The following SMTNL1 variants were observed in gnomAD, a reference collection of about 807,000 sequenced individuals.
The protein encoded by SMTNL1 is smoothelin-like protein 1.
A neutral mutation model predicts 46.6 loss-of-function variants in SMTNL1; 41 were observed. That is an observed-to-expected ratio of 0.88 (90% confidence interval 0.69 to 1.14). SMTNL1 has a LOEUF of 1.14. Among genes scored for constraint, SMTNL1 ranks in the 50% most tolerant of loss-of-function variants. The pLI, the probability that SMTNL1 is intolerant of heterozygous loss-of-function variation, is 0.00. For synonymous variants in SMTNL1, 234 were observed against 234.2 expected, an observed-to-expected ratio of 1.00 and a Z score of 0.01; for missense variants, 591 against 626.1, an observed-to-expected ratio of 0.94 and a Z score of 0.60.
rs1046401866 is a variant in SMTNL1, at chr11:57,543,068, A to G, written c.426A>G (p.Lys142=). The G allele has an allele frequency of 6.2e-7, 1 of 1,609,604 alleles. No individual in the cohort carries two copies. The highest frequency in any genetic ancestry group is 8.5e-7 in the Non-Finnish European group (1 of 1,177,842). ...CTGAGAAGCAGAAGGCTGAGGAGAA[A>G]GAGGCCAAACCTGAATCTGGGCAGA... ...LASEKQKAEE[K]EAKPESGQKA... The change falls in exon 2 of 8, where the codon AAA becomes AAG. Residue 142 remains lysine, a synonymous_variant. Coordinates refer to ENST00000527972, the MANE Select transcript of SMTNL1 (RefSeq NM_001105565.3).
chr11:57,544,489 A>C (rs1944907046), intron 4 of SMTNL1, among the ~76,000 whole-genome samples: 1 of 152,188 alleles, frequency 6.6e-6, no homozygotes, highest in South Asian at 2.1e-4. Context: ...CATCCCTGAC[A>C]CTTCACAGGA....
chr11:57,542,021 A>G (rs1208768313), intron 1 of SMTNL1, among the ~76,000 whole-genome samples: 1 of 151,854 alleles, frequency 6.6e-6, no homozygotes, highest in Non-Finnish European at 1.5e-5. Flanking sequence ...CAATCCCAGA[A>G]CCTTGGGAGG....
At chr11:57,548,505 A>G (rs1282133529) in intron 7 of SMTNL1, among the ~76,000 whole-genome samples, 4 of 152,058 alleles carry the variant, frequency 2.6e-5, no homozygotes, top group African/African-American at 9.7e-5. Context: ...CCTTGTCTCT[A>G]CTAAAAATAC....
Position 57,543,034 on chromosome 11 carries a change from C to T in SMTNL1, c.392C>T (p.Thr131Met), listed in dbSNP as rs1189340279. 1.8e-5 allele frequency: 29 copies of T among 1,603,874 alleles called. No individual in the cohort carries two copies. Among genetic ancestry groups the T allele is most frequent in the Non-Finnish European group, 2.2e-5 (26 of 1,175,220 alleles). Reference sequence around the variant, plus strand: ...AAAGAGGCTGAGGAAAAGGAGAGCACGCTGGCCTCTGAGAAGCAGAAGGCT... The same window carrying T: ...AAAGAGGCTGAGGAAAAGGAGAGCATGCTGGCCTCTGAGAAGCAGAAGGCT... ...EPKEAEEKES[T>M]LASEKQKAEE... The change falls in exon 2 of 8, where the codon ACG becomes ATG. Residue 131 changes from threonine to methionine, a missense_variant. Thr to Met is a moderately conservative substitution (Grantham distance 81, BLOSUM62 -1). Transcript: ENST00000527972.
At chr11:57,540,910 C>T (rs1237330546) in intron 1 of SMTNL1, among the ~76,000 whole-genome samples, 1 of 151,978 alleles carries the variant, frequency 6.6e-6, no homozygotes, top group African/African-American at 2.4e-5. Context: ...GGGGTTTCAC[C>T]ATATTGGCCA....
intron 1 of SMTNL1, among the ~76,000 whole-genome samples, chr11:57,541,970 G>A (rs1944880655): frequency 6.6e-6 from 1 of 151,894 alleles, no homozygotes; most frequent in Admixed American, 6.6e-5. Flanking sequence ...GGTGTTCTAG[G>A]ATGCCAGTAT....
chr11:57,546,670 G>A lies in SMTNL1; in HGVS notation c.1340+18G>A. ...ACAGCAGAGTAAGCCACAGCCATGG[G>A]CTGGCAGAGCTGGATGGGAGCCTAG... On this transcript the variant is annotated intron_variant, in intron 7 of 7. Transcript: ENST00000527972. 1 of 1,609,006 alleles carries A rather than the reference G, an allele frequency of 6.2e-7. No homozygotes were observed. Among genetic ancestry groups the A allele is most frequent in the Non-Finnish European group, 8.5e-7 (1 of 1,177,688 alleles).
chr11:57,548,440 C>A lies in SMTNL1; in HGVS notation c.1341-1528C>A, dbSNP rs574053418. On this transcript the variant is annotated intron_variant, in intron 7 of 7. Coordinates refer to ENST00000527972, the MANE Select transcript of SMTNL1 (RefSeq NM_001105565.3). ...ATCCTAGCACTTTAGGAGACCGAGG[C>A]GTGGGGATCACTTGAGGTCAGGAGT... is the stretch of plus-strand genomic sequence containing the variant. Among the ~76,000 whole-genome samples the A allele has an allele frequency of 2.1e-4, 32 of 152,206 alleles. No homozygotes were observed. The South Asian group carries it at 6.0e-3, about 29-fold the overall frequency.
intron 1 of SMTNL1, chr11:57,541,463 C>T: frequency 4.4e-6 from 6 of 1,365,916 alleles, no homozygotes; most frequent in Non-Finnish European, 5.9e-6. Context: ...ATATACAGTA[C>T]TTAAATAGGA....
chr11:57,542,512 C>T, intron 1 of SMTNL1, 129 bp from the exon 2 acceptor site: 1 of 1,052,940 alleles, frequency 9.5e-7, no homozygotes. Context: ...TGATTGGGCC[C>T]CATGTCCAAG....
rs752216942 is a variant in SMTNL1, at chr11:57,545,977, T to G, written c.1014T>G (p.Pro338=). ...CACCAGAGCGCAGGGTATCAGCCCC[T>G]GCTCGGCCCCGGGGGCCCCGGGCAC... ...EKAPERRVSA[P]ARPRGPRAQN... Residue 338 remains proline, a synonymous_variant, in exon 5 of 8, where the codon CCT becomes CCG. Coordinates refer to ENST00000527972, the MANE Select transcript of SMTNL1 (RefSeq NM_001105565.3). 2 of 1,609,452 alleles carry G rather than the reference T, an allele frequency of 1.2e-6. No homozygotes were observed. The highest frequency in any genetic ancestry group is 1.7e-6 in the Non-Finnish European group (2 of 1,178,514).
At chr11:57,548,964 G>A (rs1327570283) in intron 7 of SMTNL1, among the ~76,000 whole-genome samples, 1 of 151,914 alleles carries the variant, frequency 6.6e-6, no homozygotes, top group East Asian at 1.9e-4. Context: ...TGCTCCTGGA[G>A]ATGCTGCAGC....
chr11:57,543,898 G>C lies in SMTNL1; in HGVS notation c.895G>C (p.Gly299Arg), dbSNP rs372459556. 1 of 1,589,456 alleles carries C rather than the reference G, an allele frequency of 6.3e-7. No individual in the cohort carries two copies. The highest frequency in any genetic ancestry group is 1.3e-5 in the African/African-American group (1 of 74,412). The change falls in exon 4 of 8, where the codon GGA becomes CGA. Residue 299 changes from glycine (G) to arginine (R), a missense_variant. Transcript: ENST00000527972. ...GCTGGGTCCAGACTGTGTAGCTTCC[G>C]GACAGACCAGTCCTTCAGCCAGGTA... is the stretch of plus-strand genomic sequence containing the variant. Reference protein sequence around the residue: ...DGLGPDCVASGQTSPSASESS... With the variant: ...DGLGPDCVASRQTSPSASESS...
At chr11:57,545,359 C>A (rs1944913390) in intron 4 of SMTNL1, among the ~76,000 whole-genome samples, 1 of 151,876 alleles carries the variant, frequency 6.6e-6, no homozygotes, top group Admixed American at 6.6e-5. Context: ...AATCCCAGCA[C>A]TTTGGGAGGC....
At chr11:57,540,811 AGCAATTCTCCT>A (rs1026214048) in intron 1 of SMTNL1, among the ~76,000 whole-genome samples, 5 of 151,920 alleles carry the variant, frequency 3.3e-5, no homozygotes, top group Admixed American at 3.3e-4. Flanking sequence ...CCCGGGTTCA[AGCAATTCTCCT>A]GCCTCAGCCT....
chr11:57,544,017 A>G, intron 4 of SMTNL1, 97 bp downstream of exon 4: 1 of 1,233,898 alleles, frequency 8.1e-7, no homozygotes. Flanking sequence ...CCAGCACCTG[A>G]TTTCAAGATA....
intron 1 of SMTNL1, among the ~76,000 whole-genome samples, chr11:57,538,833 T>A (rs1470977284): frequency 6.6e-6 from 1 of 152,212 alleles, no homozygotes; most frequent in African/African-American, 2.4e-5. Flanking sequence ...CTCCGCAGCA[T>A]AAGCTGTAAA....
chr11:57,548,581 A>G (rs1197879388), intron 7 of SMTNL1, among the ~76,000 whole-genome samples: 1 of 152,198 alleles, frequency 6.6e-6, no homozygotes, highest in Non-Finnish European at 1.5e-5. Flanking sequence ...GAGGCAGGAG[A>G]ATCACTTGAA....
Position 57,543,000 on chromosome 11 carries a change from T to G in SMTNL1, c.358T>G (p.Ser120Ala). Residue 120 changes from serine to alanine, a missense_variant, in exon 2 of 8, where the codon TCT (serine) becomes GCT (alanine). Coordinates refer to ENST00000527972, the MANE Select transcript of SMTNL1 (RefSeq NM_001105565.3). Reference protein sequence around the residue: ...EMTGRKEETKSEPKEAEEKES... With the variant: ...EMTGRKEETKAEPKEAEEKES... ...GACTGGCAGGAAAGAAGAGACCAAA[T>G]CTGAACCCAAAGAGGCTGAGGAAAA... The G allele has an allele frequency of 6.2e-7, 1 of 1,602,046 alleles. No individual in the cohort carries two copies.
Sources: gnomAD v4.1 joint callset for allele counts (sites outside exome capture counted in the v4.1 genomes callset) on GRCh38, gnomAD v4.1.1 for gene constraint, MANE v1.5 for transcripts, NCBI Gene and HGNC (gene_info 2026-07-23, HGNC 2026-07-21) for gene names.